POGK: variants seen among roughly 807,000 people sequenced by gnomAD.
POGK encodes pogo transposable element derived with KRAB domain, also known as pogo transposable element with KRAB domain.
A neutral mutation model predicts 54.4 loss-of-function variants in POGK; 16 were observed. The ratio of observed to expected loss-of-function variants is 0.29; its 90% CI spans 0.20 to 0.45. POGK has a LOEUF of 0.45. POGK is among the 20% of genes least tolerant of loss of function. The pLI, the probability that POGK is intolerant of heterozygous loss-of-function variation, is 1.00. For synonymous variants in POGK, 271 were observed against 302.2 expected, an observed-to-expected ratio of 0.90 and a Z score of 1.07; for missense variants, 515 against 795.6, an observed-to-expected ratio of 0.65 and a Z score of 4.24.
chr1:166,849,623 T>C lies in POGK; in HGVS notation c.1044T>C (p.Ala348=), dbSNP rs1331116030. Residue 348 remains alanine, a synonymous_variant, in exon 5 of 6, where the codon GCT becomes GCC. Transcript: ENST00000367876. ...TCACTTACCAGCGCAGTGTCCTGGC[T>C]CTGCGCAGGGCGCATGACTATGAGG... ...KLVTYQRSVL[A]LRRAHDYEVA... 1.9e-6 allele frequency: 3 copies of C among 1,614,164 alleles called. No individual in the cohort carries two copies. The highest frequency in any genetic ancestry group is 1.7e-5 in the Admixed American group (1 of 60,018).
At chr1:166,839,683 G>T (rs1657389752) in intron 1 of POGK, 79 bp downstream of exon 1, 1 of 132,272 alleles carries the variant, frequency 7.6e-6, no homozygotes, top group South Asian at 2.3e-4. Context: ...GCAGAGGCGG[G>T]GGCGCCGAGG....
intron 3 of POGK, among the ~76,000 whole-genome samples, chr1:166,847,022 C>G (rs1046093996): frequency 6.6e-6 from 1 of 152,164 alleles, no homozygotes; most frequent in African/African-American, 2.4e-5. Context: ...GGATCTGGGC[C>G]TGTGCCTCAC....
rs1380194094 is a variant in POGK at position 166,839,600 on chromosome 1, C to G, written c.-7C>G. ...CACCCCGCGCCCTGGCCGCTGGGCC[C>G]GGCGGTGAGTGCGCGCGGGCGGGGG... On this transcript the variant is annotated 5_prime_UTR_variant, in exon 1 of 6. Coordinates refer to ENST00000367876, the MANE Select transcript of POGK (RefSeq NM_017542.5). The G allele has an allele frequency of 6.8e-6, 1 of 146,918 alleles. No individual in the cohort carries two copies. The highest frequency in any genetic ancestry group is 2.0e-4 in the East Asian group (1 of 4,964). 9.1% of individuals were successfully genotyped at this position (146,918 alleles called of 1,614,324 possible). A position where few individuals can be genotyped will look rare whatever the true frequency, so the allele number is the denominator to read the frequency against.
intron 2 of POGK, among the ~76,000 whole-genome samples, chr1:166,842,752 C>T (rs921911092): frequency 2.0e-5 from 3 of 151,996 alleles, no homozygotes; most frequent in Non-Finnish European, 2.9e-5. Flanking sequence ...GGTGGGGGTG[C>T]GTTGGGGACT....
rs370908805 is a variant in POGK, at chr1:166,846,737, G to A, written c.258G>A (p.Leu86=). 1 of 1,613,994 alleles carries A rather than the reference G, an allele frequency of 6.2e-7. No individual in the cohort carries two copies. Among genetic ancestry groups the A allele is most frequent in the African/African-American group, 1.3e-5 (1 of 74,900 alleles). ...TGAATTATGAAACTGTCCTGTCCCT[G>A]GGTAAAGCTGTGTTTTCCTTTGTCT... is the stretch of plus-strand genomic sequence containing the variant. ...MRMNYETVLS[L]EFPFPKPDMI... Residue 86 remains leucine (L), a splice_region_variant and synonymous_variant, in exon 3 of 6, where the codon CTG becomes CTA. Coordinates refer to ENST00000367876, the MANE Select transcript of POGK (RefSeq NM_017542.5).
At position 166,840,976 on chromosome 1, in the gene POGK, C is replaced by G; in HGVS notation, c.20C>G (p.Pro7Arg). The G allele has an allele frequency of 4.3e-6, 7 of 1,614,012 alleles. No homozygotes were observed. Among genetic ancestry groups the G allele is most frequent in the Non-Finnish European group, 5.9e-6 (7 of 1,179,936 alleles). Residue 7 changes from proline to arginine, a missense_variant, in exon 2 of 6, where the codon CCT (proline) becomes CGT (arginine). Coordinates refer to ENST00000367876, the MANE Select transcript of POGK (RefSeq NM_017542.5). MESTAY[P>R]LNLSLKEEEE... is the part of the protein sequence containing the mutation. Reference sequence around the variant, plus strand: ...GCAGAGATGGAGTCCACAGCCTACCCTCTCAATTTGAGCCTGAAAGAAGAG... The same window carrying G: ...GCAGAGATGGAGTCCACAGCCTACCGTCTCAATTTGAGCCTGAAAGAAGAG...
rs1275610064 is a variant in POGK, at chr1:166,850,400, G to A, written c.1821G>A (p.Glu607=). The A allele has an allele frequency of 6.2e-7, 1 of 1,606,634 alleles. No individual in the cohort carries two copies. Among genetic ancestry groups the A allele is most frequent in the Admixed American group, 1.7e-5 (1 of 59,746 alleles). ...ATTGTGACACCGAAAGCATGGCTGA[G>A]AGCAACTGAAGGGAAAGGGAAAGGT... ...PKDCDTESMA[E]SN is the part of the protein sequence containing the mutation. Residue 607 remains glutamate, a synonymous_variant, in exon 5 of 6, where the codon GAG becomes GAA. Transcript: ENST00000367876.
At chr1:166,845,037 G>A (rs540660367) in intron 2 of POGK, among the ~76,000 whole-genome samples, 1 of 152,300 alleles carries the variant, frequency 6.6e-6, no homozygotes, top group African/African-American at 2.4e-5. Flanking sequence ...GAGTACAAGT[G>A]GAGCACAGAG....
chr1:166,847,626 G>A (rs779944765), intron 4 of POGK, 34 bp downstream of exon 4: 2 of 1,528,632 alleles, frequency 1.3e-6, no homozygotes, highest in East Asian at 2.3e-5. Context: ...CGTCCATCCA[G>A]CTGGGAACAT....
intron 2 of POGK, among the ~76,000 whole-genome samples, chr1:166,843,578 A>G (rs1042995848): frequency 6.6e-6 from 1 of 152,170 alleles, no homozygotes; most frequent in Admixed American, 6.5e-5. Flanking sequence ...GTGAGAGAAT[A>G]TATTTATATG....
rs771424722 is a variant in POGK at position 166,846,714 on chromosome 1, A to G, written c.235A>G (p.Asn79Asp). 1 of 1,614,106 alleles carries G rather than the reference A, an allele frequency of 6.2e-7. No individual in the cohort carries two copies. Among genetic ancestry groups the G allele is most frequent in the Non-Finnish European group, 8.5e-7 (1 of 1,180,024 alleles). Residue 79 changes from asparagine to aspartate, a missense_variant, in exon 3 of 6, where the codon AAT becomes GAT. Physicochemically the swap from Asn to Asp is conservative, Grantham distance 23. Around this residue, in one of 2 missense-constraint regions of POGK, gnomAD observed 461 missense variants for 743.5 expected, o/e 0.62. Coordinates refer to ENST00000367876, the MANE Select transcript of POGK (RefSeq NM_017542.5). ...CCTCTACCGGGAAGTCATGAGGATG[A>G]ATTATGAAACTGTCCTGTCCCTGGG... Reference protein sequence around the residue: ...KALYREVMRMNYETVLSLEFP... With the variant: ...KALYREVMRMDYETVLSLEFP...
intron 2 of POGK, among the ~76,000 whole-genome samples, chr1:166,844,985 G>T (rs1001074457): frequency 1.3e-5 from 2 of 152,136 alleles, no homozygotes; most frequent in Admixed American, 1.3e-4. Flanking sequence ...GCCAAGGTGT[G>T]GGGGCGTTGG....
Position 166,848,929 on chromosome 1 carries a change from G to T in POGK, c.359-9G>T. On this transcript the variant is annotated splice_polypyrimidine_tract_variant and intron_variant, in intron 4 of 5. Transcript: ENST00000367876. ...GCATTATTTTTGCCCCTCACTATTT[G>T]TCTCCCAGAAAATGAAGAATCTGAC... 6.4e-7 allele frequency: 1 copy of T among 1,574,606 alleles called. No homozygotes were observed. Among genetic ancestry groups the T allele is most frequent in the South Asian group, 1.2e-5 (1 of 84,156 alleles).
Position 166,849,121 on chromosome 1 carries a change from T to C in POGK, c.542T>C (p.Leu181Pro). ...GCCATGGGCTTCCCAGGGTATGACCTCTCGGCTGATGACATAGCTGGGAAG... is the reference window on the plus strand; with the variant it reads ...GCCATGGGCTTCCCAGGGTATGACCCCTCGGCTGATGACATAGCTGGGAAG... ...YMAMGFPGYDLSADDIAGKFQ... is the reference protein window; with the variant it reads ...YMAMGFPGYDPSADDIAGKFQ... The change falls in exon 5 of 6, where the codon CTC (leucine) becomes CCC (proline). Residue 181 changes from leucine to proline, a missense_variant. Transcript: ENST00000367876. 1 of 1,614,166 alleles carries C rather than the reference T, an allele frequency of 6.2e-7. No individual in the cohort carries two copies. The highest frequency in any genetic ancestry group is 8.5e-7 in the Non-Finnish European group (1 of 1,180,030).
rs769334733 is a variant in POGK, at chr1:166,849,160, G to A, written c.581G>A (p.Arg194Gln). 7 of 1,614,192 alleles carry A rather than the reference G, an allele frequency of 4.3e-6. No individual in the cohort carries two copies. The highest frequency in any genetic ancestry group is 3.3e-5 in the South Asian group (3 of 91,082). The change falls in exon 5 of 6, where the codon CGG becomes CAG. Residue 194 changes from arginine to glutamine, a missense_variant. By Grantham distance (43) the Arg-to-Gln change is conservative. Transcript: ENST00000367876. ...DDIAGKFQFS[R>Q]GMRRSYDAGF... ...ATAGCTGGGAAGTTTCAGTTCAGCC[G>A]GGGCATGCGCCGCAGTTACGACGCA...
At chr1:166,839,687 G>T (rs1474866277) in intron 1 of POGK, 83 bp downstream of exon 1, 2 of 127,644 alleles carry the variant, frequency 1.6e-5, no homozygotes, top group African/African-American at 2.9e-5. Context: ...AGGCGGGGGC[G>T]CCGAGGCTGC....
At position 166,849,557 on chromosome 1, in the gene POGK, C is replaced by T. The variant is rs775699186; in HGVS notation, c.978C>T (p.Pro326=). ...RYDLSLRHKV[P]VPQHLPEDLT... ...ACCTGTCTCTGAGGCATAAAGTGCC[C>T]GTGCCCCAGCACCTGCCGGAAGACC... The change falls in exon 5 of 6, where the codon CCC becomes CCT. Residue 326 remains proline (P), a synonymous_variant. Transcript: ENST00000367876. 2.2e-5 allele frequency: 36 copies of T among 1,614,132 alleles called. No homozygotes were observed. The highest frequency in any genetic ancestry group is 2.7e-5 in the African/African-American group (2 of 74,950).
intron 2 of POGK, among the ~76,000 whole-genome samples, chr1:166,842,219 A>G (rs1357490651): frequency 6.6e-6 from 1 of 152,172 alleles, no homozygotes; most frequent in Non-Finnish European, 1.5e-5. Flanking sequence ...GAACATCTAA[A>G]TGGAGAGCCT....
chr1:166,847,622 T>G (rs1380000090), intron 4 of POGK, 30 bp downstream of exon 4: 2 of 1,547,074 alleles, frequency 1.3e-6, no homozygotes, highest in African/African-American at 2.7e-5. Flanking sequence ...TCAGCGTCCA[T>G]CCAGCTGGGA....
Sources: gnomAD v4.1 joint callset for allele counts (sites outside exome capture counted in the v4.1 genomes callset) on GRCh38, gnomAD v4.1.1 for gene constraint, gnomAD v4.1.1 regional missense constraint, MANE v1.5 for transcripts, NCBI Gene and HGNC (gene_info 2026-07-23, HGNC 2026-07-21) for gene names.